ACMSD: variants seen among roughly 807,000 people sequenced by gnomAD.
The protein encoded by ACMSD is aminocarboxymuconate semialdehyde decarboxylase.
In ACMSD, 37 loss-of-function variants were observed where a neutral mutation model predicts 45.9. That is an observed-to-expected ratio of 0.81 (90% CI 0.62 to 1.06). ACMSD has a LOEUF of 1.06. Among genes scored for constraint, ACMSD ranks in the 50% least tolerant of loss-of-function variants. The pLI is 0.00. For synonymous variants in ACMSD, 138 were observed against 148.8 expected, an observed-to-expected ratio of 0.93 and a Z score of 0.53; for missense variants, 434 against 420.9, an observed-to-expected ratio of 1.03 and a Z score of -0.27.
chr2:134,855,113 T>C (rs1402096431), intron 2 of ACMSD, among the ~76,000 whole-genome samples: 3 of 152,208 alleles, frequency 2.0e-5, no homozygotes, highest in African/African-American at 7.2e-5. Flanking sequence ...TATATCCTAT[T>C]TGTGCAATCA....
At position 134,898,881 on chromosome 2, in the gene ACMSD, G is replaced by A. The variant is rs539662476; in HGVS notation, c.948+442G>A. On this transcript the variant is annotated intron_variant, in intron 9 of 9. Transcript: ENST00000356140. ...TAACTAGACTTTATTTTTTTTCCCG[G>A]CGTTTGACTTTTAAGGCAGGTAAAT... Among the ~76,000 whole-genome samples, 17 of 151,756 alleles carry A rather than the reference G, an allele frequency of 1.1e-4. No homozygotes were observed. The South Asian group carries it at 3.1e-3, about 28-fold the overall frequency.
Position 134,860,098 on chromosome 2 carries a change from A to G in ACMSD, c.199+741A>G, listed in dbSNP as rs1687775709. Among the ~76,000 whole-genome samples, 2 of 152,214 alleles carry G rather than the reference A, an allele frequency of 1.3e-5. 1 individual carries two copies. The highest frequency in any genetic ancestry group is 4.1e-4 in the South Asian group (2 of 4,832). On this transcript the variant is annotated intron_variant, in intron 3 of 9. Transcript: ENST00000356140. ...GCCAACATGGCAAAACCCTATTTCT[A>G]CTAAACATACAAAAATTAGCCAGGC...
chr2:134,896,014 C>T (rs1690128166), intron 8 of ACMSD, among the ~76,000 whole-genome samples: 1 of 152,166 alleles, frequency 6.6e-6, no homozygotes, highest in African/African-American at 2.4e-5. Flanking sequence ...GATCAACTGA[C>T]TTTCAACAAG....
At chr2:134,863,157 T>G (rs1365746799) in intron 4 of ACMSD, 1 of 735,006 alleles carries the variant, frequency 1.4e-6, no homozygotes, top group African/African-American at 1.9e-5. Flanking sequence ...CCCTTCTGAT[T>G]CTGGCCTCAA....
rs562235475 is a variant in ACMSD at position 134,838,882 on chromosome 2, T to G, written c.57+143T>G. 3.8e-5 allele frequency: 20 copies of G among 527,512 alleles called. No individual in the cohort carries two copies. In the South Asian group the frequency reaches 7.9e-4, roughly 21 times the overall value. 32.7% of individuals were successfully genotyped at this position (527,512 alleles called of 1,614,324 possible). ...TTAAATCATTTGGTAGTTCTGATTT[T>G]CTAGCTTTTAAAAATGACTTTTATA... On this transcript the variant is annotated intron_variant, in intron 1 of 9. Coordinates refer to ENST00000356140, the MANE Select transcript of ACMSD (RefSeq NM_138326.3).
At chr2:134,879,627 T>C (rs1267765059) in intron 8 of ACMSD, among the ~76,000 whole-genome samples, 1 of 152,214 alleles carries the variant, frequency 6.6e-6, no homozygotes, top group African/African-American at 2.4e-5. Context: ...AGGGTTTCTC[T>C]TGAGGTTCAA....
chr2:134,865,486 G>C (rs902827617), intron 5 of ACMSD, among the ~76,000 whole-genome samples: 76 of 152,268 alleles, frequency 5.0e-4, no homozygotes, highest in African/African-American at 1.8e-3. Flanking sequence ...TGACTAGCTC[G>C]ACCCATCAAT....
At chr2:134,840,995 G>A (rs1686781823) in intron 1 of ACMSD, among the ~76,000 whole-genome samples, 1 of 152,100 alleles carries the variant, frequency 6.6e-6, no homozygotes, top group African/African-American at 2.4e-5. Context: ...TACCACTTAT[G>A]AGTGAGAACA....
In ACMSD at chr2:134,867,740, C is replaced by G. The variant is rs1573657192; in HGVS notation, c.580+68C>G. 4 of 1,288,002 alleles carry G rather than the reference C, an allele frequency of 3.1e-6. No individual in the cohort carries two copies. In the Admixed American group the frequency reaches 7.3e-5, roughly 24 times the overall value. 79.8% of individuals were successfully genotyped at this position (1,288,002 alleles called of 1,614,324 possible). On this transcript the variant is annotated intron_variant, in intron 6 of 9. Transcript: ENST00000356140. ...GGTTTTTCCAATCATCTATGGAAAC[C>G]TATTATGTCAAATAGGGAAAGTATG...
At chr2:134,884,283 G>A (rs920035925) in intron 8 of ACMSD, among the ~76,000 whole-genome samples, 37 of 152,304 alleles carry the variant, frequency 2.4e-4, no homozygotes, top group African/African-American at 8.4e-4. Flanking sequence ...GGAAAGCAGG[G>A]AAGTGTCTTA....
chr2:134,854,116 C>T (rs1464160647), intron 2 of ACMSD, among the ~76,000 whole-genome samples: 1 of 152,184 alleles, frequency 6.6e-6, no homozygotes, highest in Non-Finnish European at 1.5e-5. Context: ...TTAAGATACT[C>T]TGCTTTGTTT....
chr2:134,851,460 T>C (rs562100729), intron 2 of ACMSD, among the ~76,000 whole-genome samples: 1 of 152,300 alleles, frequency 6.6e-6, no homozygotes, highest in South Asian at 2.1e-4. Context: ...TTTTCTTTTT[T>C]TTTTTAGGAG....
chr2:134,883,018 C>A (rs1456606208), intron 8 of ACMSD, among the ~76,000 whole-genome samples: 2 of 152,154 alleles, frequency 1.3e-5, no homozygotes, highest in Non-Finnish European at 2.9e-5. Context: ...GTGTTGATAT[C>A]CACTGCTTTA....
intron 3 of ACMSD, among the ~76,000 whole-genome samples, chr2:134,860,808 C>T (rs1002089429): frequency 6.4e-5 from 9 of 140,202 alleles, no homozygotes; most frequent in African/African-American, 2.4e-4. Context: ...TCCCTTGAGC[C>T]CAGGAGTTCA....
In ACMSD at chr2:134,849,773, G is replaced by A. The variant is rs190668301; in HGVS notation, c.102+4496G>A. Among the ~76,000 whole-genome samples the A allele has an allele frequency of 2.7e-4, 41 of 152,280 alleles. No individual in the cohort carries two copies. In the East Asian group the frequency reaches 6.8e-3, roughly 25 times the overall value. On this transcript the variant is annotated intron_variant, in intron 2 of 9. Transcript: ENST00000356140. ...AATATTTATAAAAGTGTAAGTAGCA[G>A]GCCAGTCCTTGGTTTGTATGACAAC...
In ACMSD at chr2:134,872,939, T is replaced by C. The variant is rs1441033246; in HGVS notation, c.849+298T>C. On this transcript the variant is annotated intron_variant, in intron 8 of 9. Transcript: ENST00000356140. ...CCTCTTCCTTAGCGACATCCCTATA[T>C]GCACCCAAAATGACACATGGCAATG... 4 of 317,726 alleles carry C rather than the reference T, an allele frequency of 1.3e-5. No individual in the cohort carries two copies. In the East Asian group the frequency reaches 1.7e-4, roughly 14 times the overall value. 19.7% of individuals were successfully genotyped at this position (317,726 alleles called of 1,614,324 possible).
intron 8 of ACMSD, among the ~76,000 whole-genome samples, chr2:134,884,000 G>A (rs1048870749): frequency 3.3e-5 from 5 of 152,076 alleles, no homozygotes; most frequent in South Asian, 2.1e-4. Flanking sequence ...TATGCCTATC[G>A]CTTTCTCTCT....
chr2:134,895,163 G>A (rs1051702889), intron 8 of ACMSD, among the ~76,000 whole-genome samples: 2 of 151,580 alleles, frequency 1.3e-5, no homozygotes, highest in African/African-American at 4.8e-5. Flanking sequence ...AAAATTAGCC[G>A]AGTGTGGTGG....
At chr2:134,853,751 G>A (rs535930217) in intron 2 of ACMSD, among the ~76,000 whole-genome samples, 1 of 151,930 alleles carries the variant, frequency 6.6e-6, no homozygotes, top group African/African-American at 2.4e-5. Context: ...GGGCACAGCT[G>A]CTCTGCAGTG....
Sources: gnomAD v4.1 joint callset for allele counts (sites outside exome capture counted in the v4.1 genomes callset) on GRCh38, gnomAD v4.1.1 for gene constraint, MANE v1.5 for transcripts, NCBI Gene and HGNC (gene_info 2026-07-23, HGNC 2026-07-21) for gene names.